Variants in TMEM132D observed in about 807,000 individuals in gnomAD.
TMEM132D encodes the protein transmembrane protein 132D, also known as mature OL transmembrane protein.
TMEM132D carries 21 observed loss-of-function variants against 62.3 expected under a neutral mutation model. The observed-to-expected ratio is 0.34, with a 90% CI of 0.24 to 0.49. The LOEUF (loss-of-function observed/expected upper bound fraction) is 0.49. TMEM132D is among the 20% of genes least tolerant of loss of function. The pLI is 0.99. For missense variants in TMEM132D, 1,346 were observed against 1,402.8 expected (o/e 0.96, Z 0.65); for synonymous variants, 621 against 575.6 (o/e 1.08, Z -1.13).
rs116744547 is a variant in TMEM132D, at chr12:129,154,996, A to G, written c.1443+54524T>C. ...AAGATCAGGAAACATACTGTTGACTAAAAAATAAAGAACAGAACGTGAAGT... is the reference window on the plus strand; with the variant it reads ...AAGATCAGGAAACATACTGTTGACTGAAAAATAAAGAACAGAACGTGAAGT... On this transcript the variant is annotated intron_variant, in intron 5 of 8. Transcript: ENST00000422113. Among the ~76,000 whole-genome samples, 570 of 152,376 alleles carry G rather than the reference A, an allele frequency of 3.7e-3. 5 individuals are homozygous for G. The highest frequency in any genetic ancestry group is 0.013 in the African/African-American group (544 of 41,596).
chr12:129,483,032 A>T (rs1242623348), intron 3 of TMEM132D, among the ~76,000 whole-genome samples: 1 of 151,722 alleles, frequency 6.6e-6, no homozygotes, highest in African/African-American at 2.4e-5. Flanking sequence ...CAAATCTTCA[A>T]AAACTCCTTT....
At chr12:129,761,919 G>A (rs190688151) in intron 1 of TMEM132D, among the ~76,000 whole-genome samples, 1 of 152,232 alleles carries the variant, frequency 6.6e-6, no homozygotes. Context: ...GGCCAAAATG[G>A]GTCCTAGGAG....
At chr12:129,215,968 C>G (rs955450127) in intron 4 of TMEM132D, among the ~76,000 whole-genome samples, 2 of 152,150 alleles carry the variant, frequency 1.3e-5, no homozygotes, top group Admixed American at 1.3e-4. Flanking sequence ...ATGCATGATT[C>G]AATTATCTCC....
intron 1 of TMEM132D, among the ~76,000 whole-genome samples, chr12:129,746,365 C>T (rs990501773): frequency 6.6e-6 from 1 of 152,010 alleles, no homozygotes; most frequent in African/African-American, 2.4e-5. Flanking sequence ...GTGAGAGGAA[C>T]GGCTTGTAAG....
In TMEM132D at chr12:129,337,814, C is replaced by T. The variant is rs374844718; in HGVS notation, c.1119G>A (p.Ala373=). The change falls in exon 4 of 9, where the codon GCG becomes GCA. Residue 373 remains alanine (A), a synonymous_variant. Transcript: ENST00000422113. The part of the protein sequence containing the change: ...QKKAAGSENS[A]DGASYEVMQI... Reference sequence around the variant, plus strand: ...GCATGACCTCGTAGGAGGCGCCATCCGCACTGGAGAGAAGACACAGAGGAG... The same window carrying T: ...GCATGACCTCGTAGGAGGCGCCATCTGCACTGGAGAGAAGACACAGAGGAG... 5 of 1,605,790 alleles carry T rather than the reference C, an allele frequency of 3.1e-6. No homozygotes were observed. The highest frequency in any genetic ancestry group is 4.3e-6 in the Non-Finnish European group (5 of 1,175,104).
At chr12:129,102,773 T>A (rs1875356670) in intron 5 of TMEM132D, among the ~76,000 whole-genome samples, 1 of 152,232 alleles carries the variant, frequency 6.6e-6, no homozygotes, top group Admixed American at 6.5e-5. Flanking sequence ...TTCTCGACCC[T>A]GAACCAGCTG....
chr12:129,894,738 T>C (rs948404585), intron 1 of TMEM132D, among the ~76,000 whole-genome samples: 3 of 151,642 alleles, frequency 2.0e-5, no homozygotes, highest in Admixed American at 6.5e-5. Context: ...TGGTTTCTTG[T>C]AGTTTCTCTT....
At chr12:129,801,911 T>A (rs944154180) in intron 1 of TMEM132D, among the ~76,000 whole-genome samples, 1 of 151,404 alleles carries the variant, frequency 6.6e-6, no homozygotes. Context: ...CAGGAGCCGA[T>A]GCGATCAACT....
chr12:129,892,733 T>C (rs373086832), intron 1 of TMEM132D, among the ~76,000 whole-genome samples: 1 of 152,126 alleles, frequency 6.6e-6, no homozygotes, highest in African/African-American at 2.4e-5. Flanking sequence ...AGCAGCTGTG[T>C]TGGAGATGCT....
intron 2 of TMEM132D, among the ~76,000 whole-genome samples, chr12:129,615,795 C>CAAAACAAAAT (rs398044871): frequency 0.034 from 4,780 of 138,938 alleles, 102 homozygotes; most frequent in Non-Finnish European, 0.05. Context: ...CAAAACAAAA[C>CAAAACAAAAT]AAAATAAAAT....
At chr12:129,077,153 GC>G (rs958029039) in intron 8 of TMEM132D, among the ~76,000 whole-genome samples, 1 of 152,198 alleles carries the variant, frequency 6.6e-6, no homozygotes, top group African/African-American at 2.4e-5. Context: ...GGCTCTTTGT[GC>G]CCCTTAGCAA....
At chr12:129,406,609 G>A (rs1871798155) in intron 3 of TMEM132D, among the ~76,000 whole-genome samples, 1 of 145,366 alleles carries the variant, frequency 6.9e-6, no homozygotes, top group African/African-American at 2.6e-5. Flanking sequence ...AACAGAGCGA[G>A]ACTCCACCTC....
At chr12:129,588,333 C>A (rs1878088029) in intron 2 of TMEM132D, among the ~76,000 whole-genome samples, 2 of 152,230 alleles carry the variant, frequency 1.3e-5, no homozygotes, top group African/African-American at 4.8e-5. Flanking sequence ...GCATGACTCA[C>A]TTGTGCTCCG....
intron 3 of TMEM132D, among the ~76,000 whole-genome samples, chr12:129,422,095 TAAAA>T (rs10633587): frequency 7.2e-6 from 1 of 139,540 alleles, no homozygotes; most frequent in East Asian, 2.1e-4. Context: ...ACAGCAATGT[TAAAA>T]AAAAAAAAAA....
chr12:129,079,779 G>A (rs1435702855), intron 7 of TMEM132D, among the ~76,000 whole-genome samples: 2 of 152,190 alleles, frequency 1.3e-5, no homozygotes, highest in East Asian at 1.9e-4. Flanking sequence ...CATGAGAGGT[G>A]TGTCCCCAGA....
intron 1 of TMEM132D, among the ~76,000 whole-genome samples, chr12:129,722,157 T>C (rs4760000): frequency 0.82 from 125,431 of 152,104 alleles, 52,278 homozygotes; most frequent in Non-Finnish European, 0.9. Flanking sequence ...AATTTTCCCT[T>C]CTCCCATATC....
intron 2 of TMEM132D, among the ~76,000 whole-genome samples, chr12:129,639,942 G>A (rs1318958295): frequency 6.6e-6 from 1 of 152,124 alleles, no homozygotes; most frequent in Non-Finnish European, 1.5e-5. Flanking sequence ...AAGAAAAGGT[G>A]CTATGTGCCA....
At chr12:129,725,944 G>C (rs916761714) in intron 1 of TMEM132D, among the ~76,000 whole-genome samples, 1 of 152,192 alleles carries the variant, frequency 6.6e-6, no homozygotes, top group African/African-American at 2.4e-5. Flanking sequence ...TTTCTATGCA[G>C]ACGCAGGTCC....
At chr12:129,583,864 C>T (rs1270638712) in intron 2 of TMEM132D, among the ~76,000 whole-genome samples, 1 of 152,132 alleles carries the variant, frequency 6.6e-6, no homozygotes, top group African/African-American at 2.4e-5. Flanking sequence ...TTTCCTGATT[C>T]AACGGACCAA....
Sources: gnomAD v4.1 joint callset for allele counts (sites outside exome capture counted in the v4.1 genomes callset) on GRCh38, gnomAD v4.1.1 for gene constraint, MANE v1.5 for transcripts, NCBI Gene and HGNC (gene_info 2026-07-23, HGNC 2026-07-21) for gene names.